EDN1: variants seen among roughly 807,000 people sequenced by gnomAD.
EDN1 encodes the protein endothelin 1, also known as endothelin-1.
A neutral mutation model predicts 21.7 loss-of-function variants in EDN1; 11 were observed. The observed-to-expected ratio is 0.51, with a 90% confidence interval of 0.32 to 0.84. The LOEUF (loss-of-function observed/expected upper bound fraction) is 0.84, where lower values mean the gene tolerates loss of function less well. Ranked by LOEUF, EDN1 falls within the 40% of genes least tolerant of loss-of-function variation. EDN1 has a pLI of 0.03. For missense variants in EDN1, 244 were observed against 262.3 expected, an observed-to-expected ratio of 0.93 and a Z score of 0.48; for synonymous variants, 85 against 90.6, an observed-to-expected ratio of 0.94 and a Z score of 0.35.
At chr6:12,241,947 T>TTA in the EDN1 span, among the ~76,000 whole-genome samples, 1 of 152,250 alleles carries the variant, frequency 6.6e-6, no homozygotes, top group African/African-American at 2.4e-5. Context: ...GCACCCATCT[T>TTA]TACTGCATTC....
chr6:12,293,922 TTCTC>T lies in EDN1; in HGVS notation c.234-15_234-12del. 6.2e-7 allele frequency: 1 copy of T among 1,613,950 alleles called. No individual in the cohort carries two copies. On this transcript the variant is annotated splice_polypyrimidine_tract_variant and intron_variant, in intron 2 of 4. Coordinates refer to ENST00000379375, the MANE Select transcript of EDN1 (RefSeq NM_001955.5). ...TATTAATTACACTAATATAGTTTCT[TTCTC>T]TCTTTGGATAATAGGCACGTTGTTC...
At chr6:12,241,650 C>T in the EDN1 span, among the ~76,000 whole-genome samples, 1 of 152,136 alleles carries the variant, frequency 6.6e-6, no homozygotes, top group Non-Finnish European at 1.5e-5. Context: ...CATAATTGCT[C>T]ACCTTTGCTT....
At chr6:12,244,008 A>T in the EDN1 span, among the ~76,000 whole-genome samples, 1,721 of 152,258 alleles carry the variant, frequency 0.011, 26 homozygotes, top group African/African-American at 0.04. Context: ...GACTTGTAGC[A>T]CAGCCATTCT....
intron 1 of EDN1, among the ~76,000 whole-genome samples, chr6:12,292,104 A>G (rs1261024902): frequency 1.3e-5 from 2 of 152,114 alleles, no homozygotes; most frequent in African/African-American, 4.8e-5. Context: ...TCTCCTCTGC[A>G]TTTGTGTAAT....
chr6:12,233,265 G>A, the EDN1 span, among the ~76,000 whole-genome samples: 1 of 152,102 alleles, frequency 6.6e-6, no homozygotes, highest in Admixed American at 6.6e-5. Flanking sequence ...TTTCATCAGG[G>A]GTTCCCCCTA....
the EDN1 span, among the ~76,000 whole-genome samples, chr6:12,273,737 G>A: frequency 2.0e-5 from 3 of 150,868 alleles, no homozygotes; most frequent in Non-Finnish European, 4.4e-5. Context: ...AAAGGCTTTA[G>A]TGGACTCATA....
the EDN1 span, among the ~76,000 whole-genome samples, chr6:12,266,419 C>G: frequency 6.6e-6 from 1 of 152,240 alleles, no homozygotes; most frequent in South Asian, 2.1e-4. Flanking sequence ...ACAGTGGGAC[C>G]GGTGCTATTC....
the EDN1 span, among the ~76,000 whole-genome samples, chr6:12,243,373 TG>T: frequency 7.0e-5 from 10 of 142,220 alleles, no homozygotes; most frequent in African/African-American, 2.6e-4. Flanking sequence ...GCGGCAGAGG[TG>T]GAAGAGGTGG....
chr6:12,289,401 AG>A (rs1762619774), upstream of EDN1, among the ~76,000 whole-genome samples: 1 of 152,036 alleles, frequency 6.6e-6, no homozygotes, highest in Non-Finnish European at 1.5e-5. Context: ...TTCCTATGTT[AG>A]GCAACATTCC....
At chr6:12,276,114 G>T in the EDN1 span, among the ~76,000 whole-genome samples, 3 of 141,778 alleles carry the variant, frequency 2.1e-5, no homozygotes, top group East Asian at 2.1e-4. Context: ...GTGAGCCGAG[G>T]TCGCGCCACT....
At chr6:12,234,297 G>T in the EDN1 span, among the ~76,000 whole-genome samples, 1 of 152,192 alleles carries the variant, frequency 6.6e-6, no homozygotes, top group African/African-American at 2.4e-5. Context: ...CCAGGTGGCT[G>T]CCTGGAAGCA....
At chr6:12,279,173 C>A in the EDN1 span, among the ~76,000 whole-genome samples, 1 of 152,092 alleles carries the variant, frequency 6.6e-6, no homozygotes, top group Non-Finnish European at 1.5e-5. Context: ...GCAGTCTCTT[C>A]CACTACCTTA....
the EDN1 span, among the ~76,000 whole-genome samples, chr6:12,275,766 T>C: frequency 6.6e-6 from 1 of 151,754 alleles, no homozygotes; most frequent in African/African-American, 2.4e-5. Context: ...ACTCACTCTT[T>C]GAGCGAGAGG....
the EDN1 span, among the ~76,000 whole-genome samples, chr6:12,263,326 T>C: frequency 6.6e-6 from 1 of 152,198 alleles, no homozygotes; most frequent in Non-Finnish European, 1.5e-5. Flanking sequence ...TGTCCAGTCT[T>C]CAAAAGCAGT....
the EDN1 span, among the ~76,000 whole-genome samples, chr6:12,264,590 A>G: frequency 6.6e-6 from 1 of 152,180 alleles, no homozygotes; most frequent in Admixed American, 6.6e-5. Context: ...CACACATAAA[A>G]CACACTAACA....
the EDN1 span, among the ~76,000 whole-genome samples, chr6:12,278,041 G>A: frequency 2.6e-5 from 4 of 152,206 alleles, no homozygotes; most frequent in East Asian, 7.7e-4. Context: ...TAAAATGCTG[G>A]TTGTAAATTT....
the EDN1 span, among the ~76,000 whole-genome samples, chr6:12,239,110 C>G: frequency 6.6e-6 from 1 of 152,194 alleles, no homozygotes; most frequent in Non-Finnish European, 1.5e-5. Flanking sequence ...GACTGAAGAA[C>G]CTCAGTTCTG....
the EDN1 span, among the ~76,000 whole-genome samples, chr6:12,259,434 G>T: frequency 5.6e-4 from 84 of 150,864 alleles, 1 homozygote; most frequent in Non-Finnish European, 4.9e-4. Flanking sequence ...ATTATAAAAA[G>T]AAAGAACTTT....
At chr6:12,292,546 A>G in intron 2 of EDN1, 37 bp downstream of exon 2, 1 of 1,613,086 alleles carries the variant, frequency 6.2e-7, no homozygotes, top group Non-Finnish European at 8.5e-7. Flanking sequence ...CTAGTCATTC[A>G]TTAGCGCTGG....
Sources: allele counts gnomAD v4.1 joint callset (sites outside exome capture counted in the v4.1 genomes callset), GRCh38; gene constraint gnomAD v4.1.1; transcripts MANE v1.5; gene names NCBI Gene and HGNC (gene_info 2026-07-23, HGNC 2026-07-21).